The following ST6GALNAC5 variants were observed in gnomAD, a reference collection of about 807,000 sequenced individuals.
The protein encoded by ST6GALNAC5 is alpha-N-acetylgalactosaminide alpha-2,6-sialyltransferase 5.
In ST6GALNAC5, 27 loss-of-function variants were observed where a neutral mutation model predicts 33.6. The ratio of observed to expected loss-of-function variants is 0.80; its 90% CI spans 0.59 to 1.11. The LOEUF is 1.11. Ranked by LOEUF, ST6GALNAC5 falls within the 50% of genes least tolerant of loss-of-function variation. ST6GALNAC5 has a pLI of 0.00. For missense variants in ST6GALNAC5, 428 were observed against 454.0 expected, an observed-to-expected ratio of 0.94 and a Z score of 0.52; for synonymous variants, 194 against 171.2, an observed-to-expected ratio of 1.13 and a Z score of -1.04.
At chr1:76,944,886 A>T (rs1261983056) in intron 2 of ST6GALNAC5, among the ~76,000 whole-genome samples, 1 of 152,132 alleles carries the variant, frequency 6.6e-6, no homozygotes, top group Non-Finnish European at 1.5e-5. Flanking sequence ...GGAAAAAAAA[A>T]TGTGTTTTGA....
intron 2 of ST6GALNAC5, among the ~76,000 whole-genome samples, chr1:76,871,115 T>C (rs1257200618): frequency 3.9e-5 from 6 of 152,286 alleles, no homozygotes. Context: ...CTTCCTATAT[T>C]CTTGCATAGG....
At chr1:77,020,866 G>A (rs1651025967) in intron 2 of ST6GALNAC5, among the ~76,000 whole-genome samples, 1 of 152,220 alleles carries the variant, frequency 6.6e-6, no homozygotes, top group Admixed American at 6.5e-5. Context: ...GCTGGCTGGT[G>A]GCTTGCACCT....
At chr1:76,960,943 C>T (rs769165016) in intron 2 of ST6GALNAC5, among the ~76,000 whole-genome samples, 3 of 152,150 alleles carry the variant, frequency 2.0e-5, no homozygotes, top group Non-Finnish European at 4.4e-5. Flanking sequence ...AGGCGACATA[C>T]ATCCCCCTCA....
chr1:77,063,301 A>C lies in ST6GALNAC5; in HGVS notation c.*95A>C. ...GCCACCAGACAGGAAAGGGTAGCAG[A>C]AAACAGCTTCACTCCTCAGGAAGTA... On this transcript the variant is annotated 3_prime_UTR_variant, in exon 5 of 5. Transcript: ENST00000477717. The C allele has an allele frequency of 1.8e-6, 2 of 1,113,750 alleles. No individual in the cohort carries two copies. Among genetic ancestry groups the C allele is most frequent in the Non-Finnish European group, 2.6e-6 (2 of 761,100 alleles). The allele number at this position is 1,113,750 out of a possible 1,614,324, so 69.0% of individuals were successfully genotyped here. A position where few individuals can be genotyped will look rare whatever the true frequency, so the allele number is the denominator to read the frequency against.
intron 4 of ST6GALNAC5, among the ~76,000 whole-genome samples, chr1:77,053,558 G>A (rs142190115): frequency 6.6e-6 from 1 of 152,194 alleles, no homozygotes; most frequent in Non-Finnish European, 1.5e-5. Context: ...CTCTGACTTT[G>A]AGAAAGTTAC....
At chr1:76,886,206 A>G (rs891478933) in intron 2 of ST6GALNAC5, among the ~76,000 whole-genome samples, 28 of 151,778 alleles carry the variant, frequency 1.8e-4, no homozygotes, top group African/African-American at 6.8e-4. Flanking sequence ...TTAATTAGCA[A>G]CCTCTTCTGA....
In ST6GALNAC5 at chr1:77,064,882, C is replaced by T. The variant is rs1652723363; in HGVS notation, c.*1676C>T. 1 of 152,088 alleles carries T rather than the reference C, an allele frequency of 6.6e-6. No homozygotes were observed. The highest frequency in any genetic ancestry group is 2.4e-5 in the African/African-American group (1 of 41,416). 9.4% of individuals were successfully genotyped at this position (152,088 alleles called of 1,614,324 possible). A position where few individuals can be genotyped will look rare whatever the true frequency, so the allele number is the denominator to read the frequency against. On this transcript the variant is annotated 3_prime_UTR_variant, in exon 5 of 5. Transcript: ENST00000477717. ...TTCTTTTCCCTTTTCTTAATTAGTA[C>T]ACTAACTAGTACTATTAATTACACG...
At chr1:76,963,910 T>C (rs758819065) in intron 2 of ST6GALNAC5, among the ~76,000 whole-genome samples, 1 of 152,114 alleles carries the variant, frequency 6.6e-6, no homozygotes, top group Non-Finnish European at 1.5e-5. Flanking sequence ...GAGAACCTTT[T>C]CCCACTGAAG....
intron 2 of ST6GALNAC5, among the ~76,000 whole-genome samples, chr1:76,942,162 T>G (rs3113986): frequency 0.024 from 3,588 of 152,254 alleles, 134 homozygotes; most frequent in African/African-American, 0.082. Context: ...TTATTCCCTC[T>G]TCTCATGTAC....
At chr1:76,897,982 C>T (rs1487329647) in intron 2 of ST6GALNAC5, among the ~76,000 whole-genome samples, 1 of 152,144 alleles carries the variant, frequency 6.6e-6, no homozygotes, top group African/African-American at 2.4e-5. Flanking sequence ...ACTCAAAGCT[C>T]GGCGTCCATG....
chr1:77,029,554 G>A (rs1651372626), intron 2 of ST6GALNAC5, among the ~76,000 whole-genome samples: 1 of 152,200 alleles, frequency 6.6e-6, no homozygotes, highest in Non-Finnish European at 1.5e-5. Context: ...GAGGCACAGG[G>A]CTCTCCCTAG....
At chr1:77,011,015 C>A (rs527907777) in intron 2 of ST6GALNAC5, among the ~76,000 whole-genome samples, 1 of 152,198 alleles carries the variant, frequency 6.6e-6, no homozygotes, top group Non-Finnish European at 1.5e-5. Context: ...ACCGTTGATC[C>A]TTTTCCTTGA....
rs1359492137 is a variant in ST6GALNAC5 at position 77,064,353 on chromosome 1, C to T, written c.*1147C>T. 6.6e-6 allele frequency: 1 copy of T among 152,108 alleles called. No individual in the cohort carries two copies. The highest frequency in any genetic ancestry group is 1.5e-5 in the Non-Finnish European group (1 of 68,054). The allele number at this position is 152,108 out of a possible 1,614,324, so 9.4% of individuals were successfully genotyped here. A position where few individuals can be genotyped will look rare whatever the true frequency, so the allele number is the denominator to read the frequency against. ...TGTCCACATGGGCTAAAATCTACCC[C>T]CTGCTTCTCTCGAAGCATCACCATC... On this transcript the variant is annotated 3_prime_UTR_variant, in exon 5 of 5. Coordinates refer to ENST00000477717, the MANE Select transcript of ST6GALNAC5 (RefSeq NM_030965.3).
intron 2 of ST6GALNAC5, among the ~76,000 whole-genome samples, chr1:77,036,831 G>A (rs1651661891): frequency 6.6e-6 from 1 of 152,242 alleles, no homozygotes; most frequent in African/African-American, 2.4e-5. Context: ...GCTTAAACGT[G>A]TAGATGTACA....
intron 2 of ST6GALNAC5, among the ~76,000 whole-genome samples, chr1:76,991,967 T>C (rs1649750146): frequency 6.6e-6 from 1 of 152,214 alleles, no homozygotes; most frequent in African/African-American, 2.4e-5. Context: ...GGAATGTTTT[T>C]TTGGCAGAGA....
chr1:77,025,798 C>A (rs573307334), intron 2 of ST6GALNAC5, among the ~76,000 whole-genome samples: 144 of 152,216 alleles, frequency 9.5e-4, no homozygotes, highest in Non-Finnish European at 1.6e-3. Context: ...GCTGCCCCTC[C>A]TCCAGGCAGT....
chr1:76,913,554 A>G (rs1014418861), intron 2 of ST6GALNAC5, among the ~76,000 whole-genome samples: 10 of 152,134 alleles, frequency 6.6e-5, no homozygotes, highest in Middle Eastern at 3.4e-3. Context: ...TTTCAGGTAA[A>G]CCAATCAGAT....
rs1652798377 is a variant in ST6GALNAC5, at chr1:77,066,927, G to T, written c.*3721G>T. 6.6e-6 allele frequency among the ~76,000 whole-genome samples: 1 copy of T among 152,168 alleles called. No homozygotes were observed. The highest frequency in any genetic ancestry group is 6.5e-5 in the Admixed American group (1 of 15,278). On this transcript the variant is annotated 3_prime_UTR_variant, in exon 5 of 5. Coordinates refer to ENST00000477717, the MANE Select transcript of ST6GALNAC5 (RefSeq NM_030965.3). ...AAAGATCTATCTGGGAAACAGATTTGGGGTAGGTCCTGCCAGAGTAATGAC... is the reference window on the plus strand; with the variant it reads ...AAAGATCTATCTGGGAAACAGATTTTGGGTAGGTCCTGCCAGAGTAATGAC...
intron 2 of ST6GALNAC5, among the ~76,000 whole-genome samples, chr1:76,904,352 T>C (rs1646845216): frequency 6.6e-6 from 1 of 152,108 alleles, no homozygotes; most frequent in Non-Finnish European, 1.5e-5. Context: ...ATCCATACCT[T>C]TATTAAAAGA....
Sources: allele counts gnomAD v4.1 joint callset (sites outside exome capture counted in the v4.1 genomes callset), GRCh38; gene constraint gnomAD v4.1.1; transcripts MANE v1.5; gene names NCBI Gene and HGNC (gene_info 2026-07-23, HGNC 2026-07-21).